Variants in TMTC2 observed in about 807,000 individuals in gnomAD.
TMTC2 encodes the protein transmembrane O-mannosyltransferase targeting cadherins 2.
In TMTC2, 43 loss-of-function variants were observed where a neutral mutation model predicts 82.4. The ratio of observed to expected loss-of-function variants is 0.52; its 90% CI spans 0.41 to 0.67. TMTC2 has a LOEUF of 0.67. Among genes scored for constraint, TMTC2 ranks in the 30% least tolerant of loss-of-function variants. The pLI, the probability that TMTC2 is intolerant of heterozygous loss-of-function variation, is 0.00. For synonymous variants in TMTC2, 408 were observed against 381.9 expected, an observed-to-expected ratio of 1.07 and a Z score of -0.80; for missense variants, 919 against 1,012.4, an observed-to-expected ratio of 0.91 and a Z score of 1.25.
chr12:82,740,728 T>C (rs951343847), intron 1 of TMTC2, among the ~76,000 whole-genome samples: 1 of 152,192 alleles, frequency 6.6e-6, no homozygotes, highest in Non-Finnish European at 1.5e-5. Flanking sequence ...TCTGTGACCC[T>C]CCCTCTCAGG....
intron 1 of TMTC2, among the ~76,000 whole-genome samples, chr12:82,802,536 G>A (rs1053149352): frequency 3.9e-5 from 6 of 152,158 alleles, no homozygotes; most frequent in African/African-American, 1.4e-4. Context: ...AGGGACATCA[G>A]GCAATTGGGT....
intron 11 of TMTC2, among the ~76,000 whole-genome samples, chr12:83,103,715 C>G (rs1489465258): frequency 1.3e-5 from 2 of 152,156 alleles, no homozygotes; most frequent in Non-Finnish European, 2.9e-5. Flanking sequence ...ATTTCATGTC[C>G]TTCTCACACT....
rs1442362058 is a variant in TMTC2 at position 82,767,832 on chromosome 12, C to G, written c.83+80163C>G. On this transcript the variant is annotated intron_variant, in intron 1 of 11. Transcript: ENST00000321196. Reference sequence around the variant, plus strand: ...AATTTTCAACTTCAGTAAACCATTTCCTTAAAGAAACCCAGCTCCCCTTAA... The same window carrying G: ...AATTTTCAACTTCAGTAAACCATTTGCTTAAAGAAACCCAGCTCCCCTTAA... Among the ~76,000 whole-genome samples, 3 of 152,136 alleles carry G rather than the reference C, an allele frequency of 2.0e-5. No individual in the cohort carries two copies. The East Asian group carries it at 5.8e-4, about 29-fold the overall frequency.
At chr12:82,746,163 A>G (rs1023176182) in intron 1 of TMTC2, among the ~76,000 whole-genome samples, 2 of 152,250 alleles carry the variant, frequency 1.3e-5, no homozygotes, top group Non-Finnish European at 2.9e-5. Flanking sequence ...GTTACTGGAC[A>G]CTAGAATACT....
intron 9 of TMTC2, among the ~76,000 whole-genome samples, chr12:83,031,490 CAA>C (rs1881428848): frequency 6.6e-6 from 1 of 152,114 alleles, no homozygotes; most frequent in African/African-American, 2.4e-5. Flanking sequence ...TTTAGTGAGG[CAA>C]AGTATATAGC....
intron 1 of TMTC2, among the ~76,000 whole-genome samples, chr12:82,829,059 T>G (rs931106186): frequency 2.4e-4 from 36 of 152,186 alleles, no homozygotes; most frequent in African/African-American, 8.7e-4. Context: ...TAATGATGTT[T>G]TTCTAGTAGG....
At chr12:83,128,205 C>G (rs1407819871) in intron 11 of TMTC2, among the ~76,000 whole-genome samples, 3 of 151,986 alleles carry the variant, frequency 2.0e-5, no homozygotes. Flanking sequence ...CTTCCCCAGC[C>G]CATGAGCTAC....
At chr12:82,911,560 T>C (rs1874658770) in intron 3 of TMTC2, among the ~76,000 whole-genome samples, 1 of 152,166 alleles carries the variant, frequency 6.6e-6, no homozygotes, top group African/African-American at 2.4e-5. Context: ...TTTTAAAGAA[T>C]GATAATATTG....
intron 1 of TMTC2, among the ~76,000 whole-genome samples, chr12:82,812,810 T>A (rs1199214109): frequency 1.3e-5 from 2 of 152,098 alleles, no homozygotes; most frequent in Non-Finnish European, 2.9e-5. Flanking sequence ...TATTTTTTAA[T>A]GTAAGAAATA....
At chr12:82,978,405 G>A (rs895112310) in intron 7 of TMTC2, among the ~76,000 whole-genome samples, 1 of 151,512 alleles carries the variant, frequency 6.6e-6, no homozygotes, top group Non-Finnish European at 1.5e-5. Context: ...AAAACATACA[G>A]CTATTAATGG....
rs774148150 is a variant in TMTC2, at chr12:82,997,384, G to GTATATATATATATGTGTA, written c.2070+11349_2070+11350insATGTGTATATATATATAT. On this transcript the variant is annotated intron_variant, in intron 8 of 11. Transcript: ENST00000321196. ...TATATATGTGTATATATATATATGTGTATATATATATGTGTATATATATAT... is the reference window on the plus strand; with the variant it reads ...TATATATGTGTATATATATATATGTGTATATATATATATGTGTATATATATATATGTGTATATATATAT... 1.4e-3 allele frequency among the ~76,000 whole-genome samples: 41 copies of GTATATATATATATGTGTA among 29,722 alleles called. 1 individual carries two copies. Among genetic ancestry groups the GTATATATATATATGTGTA allele is most frequent in the African/African-American group, 2.9e-3 (38 of 12,906 alleles). 19.5% of individuals were successfully genotyped at this position (29,722 alleles called of 152,430 possible). A position where few individuals can be genotyped will look rare whatever the true frequency, so the allele number is the denominator to read the frequency against.
intron 1 of TMTC2, among the ~76,000 whole-genome samples, chr12:82,730,123 G>A (rs1350552033): frequency 6.6e-6 from 1 of 151,958 alleles, no homozygotes; most frequent in Non-Finnish European, 1.5e-5. Flanking sequence ...CATTCTTGAA[G>A]TCAGTGAGAC....
At chr12:82,958,948 T>A (rs1877766950) in intron 4 of TMTC2, among the ~76,000 whole-genome samples, 1 of 152,124 alleles carries the variant, frequency 6.6e-6, no homozygotes, top group Admixed American at 6.6e-5. Flanking sequence ...GCCAAAAGGC[T>A]ACTGGAACTG....
At position 82,896,113 on chromosome 12, in the gene TMTC2, A is replaced by C. The variant is rs765823692; in HGVS notation, c.950A>C (p.Tyr317Ser). Residue 317 changes from tyrosine to serine, a missense_variant, in exon 3 of 12, where the codon TAT (tyrosine) becomes TCT (serine). Transcript: ENST00000321196. ...AGAAACCTACACACTGTGGCCTTCTATACTGGACTCCTTCTCCTTGCCTAC... is the reference window on the plus strand; with the variant it reads ...AGAAACCTACACACTGTGGCCTTCTCTACTGGACTCCTTCTCCTTGCCTAC... The part of the protein sequence containing the change: ...DWRNLHTVAF[Y>S]TGLLLLAYYG... 3.6e-5 allele frequency: 58 copies of C among 1,613,872 alleles called. No homozygotes were observed. In the Admixed American group the frequency reaches 7.5e-4, roughly 21 times the overall value.
At chr12:82,690,022 C>G (rs923117919) in intron 1 of TMTC2, among the ~76,000 whole-genome samples, 4 of 152,122 alleles carry the variant, frequency 2.6e-5, no homozygotes, top group African/African-American at 9.7e-5. Flanking sequence ...TTTTATGTAT[C>G]CTAGAAATTA....
intron 1 of TMTC2, among the ~76,000 whole-genome samples, chr12:82,766,168 C>G: frequency 6.6e-6 from 1 of 152,168 alleles, no homozygotes; most frequent in East Asian, 1.9e-4. Flanking sequence ...AAATTTCTAC[C>G]TATGTTCAAT....
At chr12:83,070,255 T>C (rs1883063453) in intron 11 of TMTC2, among the ~76,000 whole-genome samples, 1 of 152,078 alleles carries the variant, frequency 6.6e-6, no homozygotes, top group African/African-American at 2.4e-5. Flanking sequence ...GGATTGCATT[T>C]AATTTTTTGA....
At chr12:83,074,284 G>T (rs1014015247) in intron 11 of TMTC2, among the ~76,000 whole-genome samples, 1 of 152,178 alleles carries the variant, frequency 6.6e-6, no homozygotes, top group Non-Finnish European at 1.5e-5. Flanking sequence ...CAGGCTCCGT[G>T]CTGGTACTGG....
chr12:82,967,002 G>A lies in TMTC2; in HGVS notation c.1948+5G>A. The A allele has an allele frequency of 1.2e-6, 2 of 1,608,884 alleles. No individual in the cohort carries two copies. Among genetic ancestry groups the A allele is most frequent in the Non-Finnish European group, 1.7e-6 (2 of 1,176,674 alleles). On this transcript the variant is annotated splice_donor_5th_base_variant and intron_variant, in intron 7 of 11. Coordinates refer to ENST00000321196, the MANE Select transcript of TMTC2 (RefSeq NM_152588.3). The stretch of plus-strand genomic sequence containing the variant: ...AGAGCTTGTACAACATGATGGGTAA[G>A]TAAAACATTAACACTTTTAAATTGA...
Sources: gnomAD v4.1 joint callset for allele counts (sites outside exome capture counted in the v4.1 genomes callset) on GRCh38, gnomAD v4.1.1 for gene constraint, MANE v1.5 for transcripts, NCBI Gene and HGNC (gene_info 2026-07-23, HGNC 2026-07-21) for gene names.